The following HMGA2 variants were observed in gnomAD, a reference collection of about 807,000 sequenced individuals.
HMGA2 encodes high mobility group protein HMGI-C.
In HMGA2, 8 loss-of-function variants were observed where a neutral mutation model predicts 19.1. That is an observed-to-expected ratio of 0.42 (90% confidence interval 0.25 to 0.76). The LOEUF (loss-of-function observed/expected upper bound fraction) is 0.76, where lower values mean the gene tolerates loss of function less well. Among genes scored for constraint, HMGA2 ranks in the 30% least tolerant of loss-of-function variants. The probability of loss-of-function intolerance (pLI) is 0.28; values close to 1 mark genes in which losing one functional copy is unlikely to be tolerated. For synonymous variants in HMGA2, 60 were observed against 48.8 expected (o/e 1.23, Z -0.96); for missense variants, 109 against 136.3 (o/e 0.80, Z 1.00).
At chr12:65,922,899 C>A (rs1375092650) in intron 3 of HMGA2, among the ~76,000 whole-genome samples, 1 of 152,148 alleles carries the variant, frequency 6.6e-6, no homozygotes, top group Non-Finnish European at 1.5e-5. Context: ...CCGCTTTTGC[C>A]TCTTCCTCAT....
intron 3 of HMGA2, among the ~76,000 whole-genome samples, chr12:65,942,319 A>G (rs1287661722): frequency 1.3e-5 from 2 of 152,200 alleles, no homozygotes; most frequent in Non-Finnish European, 2.9e-5. Context: ...GCACATGTGC[A>G]TATGCAAAGT....
chr12:65,953,551 T>C (rs778352438), intron 4 of HMGA2: 1 of 152,196 alleles, frequency 6.6e-6, no homozygotes, highest in Non-Finnish European at 1.5e-5. Flanking sequence ...AGTTGGACAT[T>C]AATACATCAA....
At chr12:65,942,161 G>C (rs1273206083) in intron 3 of HMGA2, among the ~76,000 whole-genome samples, 2 of 151,898 alleles carry the variant, frequency 1.3e-5, no homozygotes, top group African/African-American at 4.8e-5. Flanking sequence ...ATCTAATATT[G>C]AGCATTAATT....
chr12:65,890,042 G>A (rs1873837996), intron 3 of HMGA2, among the ~76,000 whole-genome samples: 1 of 151,926 alleles, frequency 6.6e-6, no homozygotes, highest in Non-Finnish European at 1.5e-5. Flanking sequence ...CAACAACATC[G>A]TCAACTCACA....
chr12:65,952,224 C>A, intron 4 of HMGA2: 2 of 645,306 alleles, frequency 3.1e-6, no homozygotes, highest in South Asian at 2.0e-5. Flanking sequence ...CATGCTGAAC[C>A]TGCTAAAATA....
At chr12:65,924,886 T>C (rs1875450926) in intron 3 of HMGA2, among the ~76,000 whole-genome samples, 1 of 152,188 alleles carries the variant, frequency 6.6e-6, no homozygotes, top group Admixed American at 6.5e-5. Flanking sequence ...GGTCTTCCTA[T>C]TTTCTTCCAT....
chr12:65,931,193 T>A (rs1875696418), intron 3 of HMGA2, among the ~76,000 whole-genome samples: 1 of 152,060 alleles, frequency 6.6e-6, no homozygotes, highest in African/African-American at 2.4e-5. Context: ...GGTTATTGGA[T>A]TTTTTTTAAC....
intron 3 of HMGA2, chr12:65,856,821 G>T (rs534270822): frequency 7.2e-5 from 11 of 152,306 alleles, no homozygotes; most frequent in African/African-American, 2.6e-4. Context: ...CCACATGGTG[G>T]TAACAGCAGT....
intron 3 of HMGA2, among the ~76,000 whole-genome samples, chr12:65,919,434 T>A (rs1183850174): frequency 6.6e-6 from 1 of 152,246 alleles, no homozygotes; most frequent in Non-Finnish European, 1.5e-5. Context: ...TGCTCTTGCC[T>A]GATTTTCATA....
intron 3 of HMGA2, among the ~76,000 whole-genome samples, chr12:65,887,755 A>G (rs1289307001): frequency 6.6e-6 from 1 of 152,086 alleles, no homozygotes; most frequent in Non-Finnish European, 1.5e-5. Context: ...TTAAAGAACA[A>G]TAGTTAAATC....
At chr12:65,929,169 T>G (rs1437245887) in intron 3 of HMGA2, among the ~76,000 whole-genome samples, 2 of 152,208 alleles carry the variant, frequency 1.3e-5, no homozygotes, top group African/African-American at 4.8e-5. Context: ...ACATAAATAC[T>G]GAGGACTGTT....
chr12:65,879,574 A>AT (rs1234628802), intron 3 of HMGA2, among the ~76,000 whole-genome samples: 1 of 152,168 alleles, frequency 6.6e-6, no homozygotes, highest in Non-Finnish European at 1.5e-5. Context: ...GTGTTATGAC[A>AT]TTTTTTTCCT....
intron 3 of HMGA2, chr12:65,948,519 T>C (rs1592463532): frequency 1.3e-5 from 2 of 152,194 alleles, no homozygotes; most frequent in African/African-American, 4.8e-5. Flanking sequence ...TATGCTTCAG[T>C]CTGCGTTTTC....
intron 3 of HMGA2, among the ~76,000 whole-genome samples, chr12:65,851,129 G>A (rs572576058): frequency 2.0e-5 from 3 of 152,290 alleles, no homozygotes; most frequent in South Asian, 2.1e-4. Flanking sequence ...TTACCTCTCT[G>A]AGACTAAATT....
chr12:65,860,020 A>G (rs1565710969), intron 3 of HMGA2: 2 of 452,280 alleles, frequency 4.4e-6, no homozygotes, highest in Admixed American at 4.7e-5. Context: ...TGAGCCTGGC[A>G]TGTCTAGCCT....
At chr12:65,865,869 C>T (rs1225596473) in intron 3 of HMGA2, among the ~76,000 whole-genome samples, 1 of 151,626 alleles carries the variant, frequency 6.6e-6, no homozygotes, top group Non-Finnish European at 1.5e-5. Context: ...GTGTCGATCT[C>T]CTGACCTCGT....
intron 3 of HMGA2, among the ~76,000 whole-genome samples, chr12:65,874,994 CG>C (rs1555183721): frequency 6.6e-6 from 1 of 152,064 alleles, no homozygotes; most frequent in Non-Finnish European, 1.5e-5. Flanking sequence ...AAAGGTTCCC[CG>C]CCCCCCCAGT....
At position 65,963,421 on chromosome 12, in the gene HMGA2, T is replaced by TGGGGGGGGGGGG; in HGVS notation, c.*134_*135insGGGGGGGGGGGG. On this transcript the variant is annotated 3_prime_UTR_variant, in exon 5 of 5. Transcript: ENST00000403681. ...TCATCTGGGGTGGGGTGGGGTGGGG[T>TGGGGGGGGGGGG]GGGGGAGGGGGGGGTGGGGTGGGGA... is the stretch of plus-strand genomic sequence containing the variant. 1 of 2,570 alleles carries TGGGGGGGGGGGG rather than the reference T, an allele frequency of 3.9e-4. No homozygotes were observed. The highest frequency in any genetic ancestry group is 2.6e-3 in the East Asian group (1 of 386). 0.2% of individuals were successfully genotyped at this position (2,570 alleles called of 1,614,324 possible). A position where few individuals can be genotyped will look rare whatever the true frequency, so the allele number is the denominator to read the frequency against.
chr12:65,943,434 G>A (rs1876157424), intron 3 of HMGA2, among the ~76,000 whole-genome samples: 1 of 152,094 alleles, frequency 6.6e-6, no homozygotes, highest in Non-Finnish European at 1.5e-5. Flanking sequence ...CCACACATAC[G>A]CAGTCTGATG....
Sources: allele counts gnomAD v4.1 joint callset (sites outside exome capture counted in the v4.1 genomes callset), GRCh38; gene constraint gnomAD v4.1.1; transcripts MANE v1.5; gene names NCBI Gene and HGNC (gene_info 2026-07-23, HGNC 2026-07-21).